Variants in EFNA5 observed in about 807,000 individuals in gnomAD.
EFNA5 encodes ephrin A5.
A neutral mutation model predicts 22.9 loss-of-function variants in EFNA5; 5 were observed. The observed-to-expected ratio is 0.22, with a 90% CI of 0.11 to 0.46. EFNA5 has a LOEUF of 0.46. Ranked by LOEUF, EFNA5 falls within the 20% of genes least tolerant of loss-of-function variation. The pLI is 0.99. For synonymous variants in EFNA5, 113 were observed against 112.2 expected, an observed-to-expected ratio of 1.01 and a Z score of -0.04; for missense variants, 237 against 293.3, an observed-to-expected ratio of 0.81 and a Z score of 1.40.
intron 1 of EFNA5, among the ~76,000 whole-genome samples, chr5:107,572,180 T>C (rs1011958531): frequency 1.3e-5 from 2 of 151,908 alleles, no homozygotes; most frequent in African/African-American, 4.8e-5. Flanking sequence ...TGTTCTTATC[T>C]GGCAAGTACG....
intron 1 of EFNA5, among the ~76,000 whole-genome samples, chr5:107,600,889 GGA>G (rs1238014941): frequency 6.6e-6 from 1 of 152,150 alleles, no homozygotes; most frequent in African/African-American, 2.4e-5. Flanking sequence ...ACAGGTTAGA[GGA>G]GAGAAAGATT....
At chr5:107,423,658 C>T (rs896134602) in intron 2 of EFNA5, among the ~76,000 whole-genome samples, 3 of 152,102 alleles carry the variant, frequency 2.0e-5, no homozygotes, top group Admixed American at 6.5e-5. Context: ...GATATAAATA[C>T]CGCCAACTTT....
chr5:107,621,585 A>G (rs1750040274), intron 1 of EFNA5, among the ~76,000 whole-genome samples: 3 of 152,166 alleles, frequency 2.0e-5, no homozygotes, highest in South Asian at 2.1e-4. Flanking sequence ...TCCTGAATCC[A>G]TCTCCTGGCT....
chr5:107,621,629 T>C (rs1328525191), intron 1 of EFNA5, among the ~76,000 whole-genome samples: 1 of 152,210 alleles, frequency 6.6e-6, no homozygotes, highest in Non-Finnish European at 1.5e-5. Flanking sequence ...ATGAGAGAGC[T>C]ACTTTCCAGT....
intron 1 of EFNA5, among the ~76,000 whole-genome samples, chr5:107,506,781 A>G (rs1490030809): frequency 6.6e-6 from 1 of 152,220 alleles, no homozygotes; most frequent in Non-Finnish European, 1.5e-5. Flanking sequence ...TATAATATCT[A>G]GATTTTGAGG....
At chr5:107,466,308 C>A (rs1749979810) in intron 1 of EFNA5, among the ~76,000 whole-genome samples, 1 of 152,082 alleles carries the variant, frequency 6.6e-6, no homozygotes, top group African/African-American at 2.4e-5. Flanking sequence ...TGAGTCATTG[C>A]TATGCTTTGC....
chr5:107,440,009 G>A (rs1006341179), intron 1 of EFNA5, among the ~76,000 whole-genome samples: 2 of 152,096 alleles, frequency 1.3e-5, no homozygotes, highest in African/African-American at 4.8e-5. Flanking sequence ...GGGAACAAAG[G>A]TACTTCAGTT....
intron 1 of EFNA5, among the ~76,000 whole-genome samples, chr5:107,665,087 A>G (rs985355656): frequency 2.6e-5 from 4 of 152,110 alleles, no homozygotes; most frequent in Non-Finnish European, 5.9e-5. Context: ...TATTTTGTTC[A>G]TTTTTATTTT....
chr5:107,577,280 G>T (rs1400320023), intron 1 of EFNA5, among the ~76,000 whole-genome samples: 2 of 151,924 alleles, frequency 1.3e-5, no homozygotes, highest in African/African-American at 4.8e-5. Flanking sequence ...ACGTAGCCTG[G>T]GAAAAGGGGA....
chr5:107,479,078 T>C (rs7713162), intron 1 of EFNA5, among the ~76,000 whole-genome samples: 6,098 of 152,272 alleles, frequency 0.04, 413 homozygotes, highest in African/African-American at 0.14. Context: ...ACATTATGAA[T>C]AAAAATTAAG....
chr5:107,415,843 G>T (rs1748490986), intron 2 of EFNA5, among the ~76,000 whole-genome samples: 1 of 152,202 alleles, frequency 6.6e-6, no homozygotes. Flanking sequence ...ATAATTTGCA[G>T]CTGCTGTGCT....
At chr5:107,443,852 A>G (rs1749326465) in intron 1 of EFNA5, among the ~76,000 whole-genome samples, 1 of 152,344 alleles carries the variant, frequency 6.6e-6, no homozygotes, top group African/African-American at 2.4e-5. Flanking sequence ...CGTTCAGCAC[A>G]TGTATCCCAG....
At chr5:107,505,687 A>T (rs1747237465) in intron 1 of EFNA5, among the ~76,000 whole-genome samples, 1 of 152,228 alleles carries the variant, frequency 6.6e-6, no homozygotes, top group Admixed American at 6.5e-5. Flanking sequence ...ATATTCAGTA[A>T]ATATTCATTG....
chr5:107,470,270 C>T (rs560388428), intron 1 of EFNA5, among the ~76,000 whole-genome samples: 1 of 152,310 alleles, frequency 6.6e-6, no homozygotes, highest in Admixed American at 6.5e-5. Flanking sequence ...TCTGGGGCTA[C>T]CATACAGCAC....
At chr5:107,399,035 G>T (rs1429301450) in intron 2 of EFNA5, among the ~76,000 whole-genome samples, 1 of 152,058 alleles carries the variant, frequency 6.6e-6, no homozygotes, top group African/African-American at 2.4e-5. Flanking sequence ...CACACTGCTG[G>T]CTCCTTCTTG....
chr5:107,669,345 T>C (rs999724658), intron 1 of EFNA5, among the ~76,000 whole-genome samples: 1 of 151,944 alleles, frequency 6.6e-6, no homozygotes, highest in Non-Finnish European at 1.5e-5. Flanking sequence ...TTAGATGCAA[T>C]CGGTACTATT....
chr5:107,569,393 A>ATG (rs1264957305), intron 1 of EFNA5, among the ~76,000 whole-genome samples: 1 of 144,448 alleles, frequency 6.9e-6, no homozygotes, highest in African/African-American at 2.5e-5. Context: ...TTTTATGTAT[A>ATG]TGTGTGTATA....
chr5:107,579,217 C>G (rs755398523), intron 1 of EFNA5, among the ~76,000 whole-genome samples: 61 of 152,208 alleles, frequency 4.0e-4, no homozygotes, highest in Admixed American at 5.9e-4. Flanking sequence ...GAAGAAAGAC[C>G]ATAGATTTTG....
At chr5:107,568,450 G>A (rs1748708809) in intron 1 of EFNA5, among the ~76,000 whole-genome samples, 1 of 152,226 alleles carries the variant, frequency 6.6e-6, no homozygotes, top group Admixed American at 6.5e-5. Flanking sequence ...AGGTAGTGGA[G>A]GGGAAGCAAT....
Sources: gnomAD v4.1 joint callset for allele counts (sites outside exome capture counted in the v4.1 genomes callset) on GRCh38, gnomAD v4.1.1 for gene constraint, MANE v1.5 for transcripts, NCBI Gene and HGNC (gene_info 2026-07-23, HGNC 2026-07-21) for gene names.